PTPRM: variants seen among roughly 807,000 people sequenced by gnomAD.
The protein encoded by PTPRM is receptor-type tyrosine-protein phosphatase mu.
Under a neutral mutation model 186.7 loss-of-function variants are expected in PTPRM, and 47 were observed. The ratio of observed to expected loss-of-function variants is 0.25; its 90% CI spans 0.20 to 0.32. The LOEUF (loss-of-function observed/expected upper bound fraction) is 0.32. Ranked by LOEUF, PTPRM falls within the 10% of genes least tolerant of loss-of-function variation. The probability of loss-of-function intolerance (pLI) is 1.00; values close to 1 mark genes in which losing one functional copy is unlikely to be tolerated. For missense variants in PTPRM, 1,494 were observed against 1,865.0 expected (o/e 0.80, Z 3.66); for synonymous variants, 668 against 674.9 (o/e 0.99, Z 0.16).
intron 7 of PTPRM, among the ~76,000 whole-genome samples, chr18:8,017,154 G>A (rs184248799): frequency 2.5e-3 from 378 of 152,104 alleles, no homozygotes; most frequent in Non-Finnish European, 4.4e-3. Flanking sequence ...TAAGGACCAC[G>A]TATTTATTAT....
At chr18:7,985,500 T>A (rs545133676) in intron 7 of PTPRM, among the ~76,000 whole-genome samples, 7 of 147,140 alleles carry the variant, frequency 4.8e-5, no homozygotes, top group South Asian at 4.2e-4. Flanking sequence ...TAGATACGTA[T>A]ATAAATATAT....
chr18:7,889,060 A>G (rs964456621), intron 3 of PTPRM, among the ~76,000 whole-genome samples: 2 of 152,142 alleles, frequency 1.3e-5, no homozygotes, highest in South Asian at 2.1e-4. Context: ...CCTCAGAATC[A>G]TGCAGTTTAC....
At chr18:7,889,251 G>A (rs2048936733) in intron 3 of PTPRM, among the ~76,000 whole-genome samples, 1 of 150,738 alleles carries the variant, frequency 6.6e-6, no homozygotes. Context: ...GGCATGTATT[G>A]TTTTAAGAAA....
chr18:8,256,820 C>G (rs2094578993), intron 19 of PTPRM, among the ~76,000 whole-genome samples: 4 of 152,200 alleles, frequency 2.6e-5, no homozygotes, highest in Admixed American at 2.6e-4. Context: ...TGTTTTATTG[C>G]TATAATAGTA....
rs151205370 is a variant in PTPRM, at chr18:8,397,380, G to A, written c.4344+2769G>A. On this transcript the variant is annotated intron_variant, in intron 32 of 32. Coordinates refer to ENST00000580170, the MANE Select transcript of PTPRM (RefSeq NM_001105244.2). ...TTGCTTCTGAGTGGGAAGATTCGTC[G>A]GTTCGTGTTGAAGCATGACACTCTC... Among the ~76,000 whole-genome samples the A allele has an allele frequency of 5.2e-3, 793 of 152,322 alleles. 9 individuals are homozygous for A. The highest frequency in any genetic ancestry group is 0.03 in the Admixed American group (460 of 15,308).
chr18:7,940,319 AGG>A lies in PTPRM; in HGVS notation c.664-8859_664-8858del, dbSNP rs1277022085. On this transcript the variant is annotated intron_variant, in intron 5 of 32. Coordinates refer to ENST00000580170, the MANE Select transcript of PTPRM (RefSeq NM_001105244.2). ...GCCTTCATGGGACTTGTATTCTAGTAGGGGAGATAGAGAGCAACTATGGTAAG... is the reference window on the plus strand; with the variant it reads ...GCCTTCATGGGACTTGTATTCTAGTAGGAGATAGAGAGCAACTATGGTAAG... 2.0e-5 allele frequency among the ~76,000 whole-genome samples: 3 copies of A among 152,348 alleles called. No individual in the cohort carries two copies. In the East Asian group the frequency reaches 5.8e-4, roughly 29 times the overall value.
At chr18:8,036,407 T>C (rs563544287) in intron 7 of PTPRM, among the ~76,000 whole-genome samples, 2 of 152,202 alleles carry the variant, frequency 1.3e-5, no homozygotes, top group East Asian at 3.9e-4. Context: ...CTTCATTCCT[T>C]TTTAACACTA....
intron 6 of PTPRM, 97 bp downstream of exon 6, chr18:7,949,452 C>A: frequency 9.4e-7 from 1 of 1,062,836 alleles, no homozygotes; most frequent in Non-Finnish European, 1.3e-6. Context: ...TTACCCTTGT[C>A]TGTTTCTGAG....
chr18:8,294,857 T>C (rs1032187981), intron 19 of PTPRM, among the ~76,000 whole-genome samples: 1 of 152,136 alleles, frequency 6.6e-6, no homozygotes, highest in Non-Finnish European at 1.5e-5. Context: ...CTCAACTGTT[T>C]TATTGGGTGG....
At chr18:8,213,226 A>G (rs1389461197) in intron 14 of PTPRM, among the ~76,000 whole-genome samples, 1 of 152,206 alleles carries the variant, frequency 6.6e-6, no homozygotes, top group African/African-American at 2.4e-5. Context: ...TGTGAGGATC[A>G]TTCTTGCACA....
intron 30 of PTPRM, 115 bp from the exon 31 acceptor site, chr18:8,386,957 G>T: frequency 9.0e-7 from 1 of 1,109,668 alleles, no homozygotes; most frequent in Non-Finnish European, 1.3e-6. Context: ...GTAATTTGTA[G>T]GCAGGACTCG....
chr18:8,240,499 G>GGAAGGAAGGAAGGAAGGAAGGGAGGA (rs1319637749), intron 14 of PTPRM, among the ~76,000 whole-genome samples: 20 of 13,550 alleles, frequency 1.5e-3, no homozygotes, highest in African/African-American at 8.2e-3. Context: ...GAGAGAGAGA[G>GGAAGGAAGGAAGGAAGGAAGGGAGGA]AGGAAGGAAG....
intron 4 of PTPRM, among the ~76,000 whole-genome samples, chr18:7,922,801 A>G (rs950224694): frequency 6.6e-6 from 1 of 152,234 alleles, no homozygotes; most frequent in Non-Finnish European, 1.5e-5. Flanking sequence ...TAACTTATAA[A>G]AAAAAGGTTT....
At chr18:8,260,336 T>A (rs7504881) in intron 19 of PTPRM, among the ~76,000 whole-genome samples, 44,750 of 151,898 alleles carry the variant, frequency 0.29, 6,885 homozygotes, top group Admixed American at 0.39. Flanking sequence ...CTAACTTTTT[T>A]AATTTTTTGT....
At chr18:7,853,404 T>C (rs542330219) in intron 2 of PTPRM, among the ~76,000 whole-genome samples, 16 of 152,178 alleles carry the variant, frequency 1.1e-4, no homozygotes, top group Non-Finnish European at 1.9e-4. Flanking sequence ...CCTTGGGAGC[T>C]TCAGGTAAAG....
chr18:8,177,365 G>T (rs2093500851), intron 14 of PTPRM, among the ~76,000 whole-genome samples: 1 of 152,190 alleles, frequency 6.6e-6, no homozygotes, highest in South Asian at 2.1e-4. Context: ...AGCAAAGAAT[G>T]ATTCACAAAT....
chr18:8,293,428 T>C (rs1296692361), intron 19 of PTPRM, among the ~76,000 whole-genome samples: 2 of 152,240 alleles, frequency 1.3e-5, no homozygotes, highest in African/African-American at 4.8e-5. Context: ...GGTCCCCACG[T>C]GAAGGCTCAG....
chr18:7,710,994 A>G (rs1200757292), intron 1 of PTPRM, among the ~76,000 whole-genome samples: 3 of 152,150 alleles, frequency 2.0e-5, no homozygotes. Context: ...TACAGAGTCA[A>G]CTCAGTTCTC....
Position 8,387,114 on chromosome 18 carries a change from G to C in PTPRM, c.4087G>C (p.Gly1363Arg). 6.2e-7 allele frequency: 1 copy of C among 1,612,016 alleles called. No individual in the cohort carries two copies. Among genetic ancestry groups the C allele is most frequent in the Non-Finnish European group, 8.5e-7 (1 of 1,178,092 alleles). ...YRMVQQFQFL[G>R]WPMYRDTPVS... ...GATGGTGCAGCAATTCCAGTTCCTG[G>C]GCTGGCCGATGTACAGGGACACACC... The change falls in exon 31 of 33, where the codon GGC becomes CGC. Residue 1363 changes from glycine to arginine, a missense_variant. By Grantham distance (125) the Gly-to-Arg change is moderately radical (BLOSUM62 -2). Coordinates refer to ENST00000580170, the MANE Select transcript of PTPRM (RefSeq NM_001105244.2).
Sources: gnomAD v4.1 joint callset for allele counts (sites outside exome capture counted in the v4.1 genomes callset) on GRCh38, gnomAD v4.1.1 for gene constraint, MANE v1.5 for transcripts, NCBI Gene and HGNC (gene_info 2026-07-23, HGNC 2026-07-21) for gene names.